ZDHHC14: variants seen among roughly 807,000 people sequenced by gnomAD.
The protein encoded by ZDHHC14 is palmitoyltransferase ZDHHC14.
In ZDHHC14, 16 loss-of-function variants were observed where a neutral mutation model predicts 47.7. The ratio of observed to expected loss-of-function variants is 0.34; its 90% CI spans 0.23 to 0.51. The LOEUF is 0.51. Among genes scored for constraint, ZDHHC14 ranks in the 20% least tolerant of loss-of-function variants. The pLI is 0.97. For missense variants in ZDHHC14, 515 were observed against 662.5 expected (o/e 0.78, Z 2.44); for synonymous variants, 293 against 278.9 (o/e 1.05, Z -0.50).
At chr6:157,622,234 A>AAG (rs1462667823) in intron 3 of ZDHHC14, among the ~76,000 whole-genome samples, 3 of 150,248 alleles carry the variant, frequency 2.0e-5, no homozygotes, top group Non-Finnish European at 4.4e-5. Context: ...AAAAAAAAAA[A>AAG]AAAAATAGCC....
chr6:157,633,496 T>A (rs1420202348), intron 5 of ZDHHC14, among the ~76,000 whole-genome samples: 1 of 152,110 alleles, frequency 6.6e-6, no homozygotes, highest in African/African-American at 2.4e-5. Flanking sequence ...GTGTGCCCAT[T>A]AAGTGCTTGA....
At chr6:157,423,896 G>A (rs1006069630) in intron 1 of ZDHHC14, among the ~76,000 whole-genome samples, 13 of 152,138 alleles carry the variant, frequency 8.5e-5, no homozygotes, top group African/African-American at 2.7e-4. Context: ...CAGGCGATTC[G>A]TGTGCAATAT....
chr6:157,453,788 T>TTTTTTTTTTTTTTGTGTGTGTGTGTG (rs3220439), intron 1 of ZDHHC14, among the ~76,000 whole-genome samples: 1 of 148,096 alleles, frequency 6.8e-6, no homozygotes, highest in African/African-American at 2.5e-5. Flanking sequence ...TTTTTGTGTT[T>TTTTTTTTTTTTTTGTGTGTGTGTGTG]TGTGTGTGTG....
chr6:157,672,573 C>T (rs974250177), intron 8 of ZDHHC14, 151 bp from the exon 9 acceptor site: 5 of 832,212 alleles, frequency 6.0e-6, no homozygotes, highest in African/African-American at 1.7e-5. Flanking sequence ...CCACTGTAGG[C>T]GCTCCCTGCC....
intron 1 of ZDHHC14, among the ~76,000 whole-genome samples, chr6:157,503,960 A>G (rs554258660): frequency 6.6e-6 from 1 of 152,294 alleles, no homozygotes. Context: ...TGACTCAACA[A>G]TTCCATTTGT....
chr6:157,410,312 G>A (rs1421197948), intron 1 of ZDHHC14, among the ~76,000 whole-genome samples: 2 of 152,122 alleles, frequency 1.3e-5, no homozygotes, highest in African/African-American at 4.8e-5. Flanking sequence ...CACGGAAAGT[G>A]GAAAAAATAA....
At position 157,648,712 on chromosome 6, in the gene ZDHHC14, A is replaced by C. The variant is rs1014816366; in HGVS notation, c.965+1344A>C. Among the ~76,000 whole-genome samples, 4 of 152,350 alleles carry C rather than the reference A, an allele frequency of 2.6e-5. No homozygotes were observed. In the East Asian group the frequency reaches 7.7e-4, roughly 29 times the overall value. ...GGTCAGACATGCCTGGGCAGGTGCC[A>C]GCTCCTCTTGAAGAAACCTCCTGAC... On this transcript the variant is annotated intron_variant, in intron 7 of 8. Transcript: ENST00000359775.
intron 3 of ZDHHC14, among the ~76,000 whole-genome samples, chr6:157,626,225 A>C (rs1397971599): frequency 1.3e-5 from 2 of 152,114 alleles, no homozygotes; most frequent in African/African-American, 4.8e-5. Flanking sequence ...AACCCACCGC[A>C]TGTGGGATTG....
At chr6:157,404,617 A>C (rs1418981504) in intron 1 of ZDHHC14, among the ~76,000 whole-genome samples, 3 of 152,134 alleles carry the variant, frequency 2.0e-5, no homozygotes, top group African/African-American at 7.2e-5. Context: ...TGAGGGGATA[A>C]AAATAGCTGT....
At chr6:157,667,193 A>G (rs12055716) in intron 8 of ZDHHC14, among the ~76,000 whole-genome samples, 31,679 of 152,150 alleles carry the variant, frequency 0.21, 3,730 homozygotes, top group East Asian at 0.54. Context: ...TTCAGAGTAG[A>G]TGGACTATCA....
At chr6:157,425,056 G>A (rs1024007238) in intron 1 of ZDHHC14, among the ~76,000 whole-genome samples, 2 of 152,126 alleles carry the variant, frequency 1.3e-5, no homozygotes, top group African/African-American at 4.8e-5. Flanking sequence ...GTTGCATTAT[G>A]TTTATAGATT....
rs182423144 is a variant in ZDHHC14 at position 157,451,545 on chromosome 6, T to C, written c.245+69279T>C. 3.9e-3 allele frequency among the ~76,000 whole-genome samples: 594 copies of C among 152,358 alleles called. 3 individuals carry two copies. The highest frequency in any genetic ancestry group is 5.9e-3 in the Non-Finnish European group (398 of 68,032). ...ATGAATTAATGAAATAATCAATTGC[T>C]GAATCAGTAAAAATTATTATTTTTA... On this transcript the variant is annotated intron_variant, in intron 1 of 8. Transcript: ENST00000359775.
At chr6:157,469,174 T>A (rs1223630718) in intron 1 of ZDHHC14, among the ~76,000 whole-genome samples, 1 of 152,212 alleles carries the variant, frequency 6.6e-6, no homozygotes, top group Non-Finnish European at 1.5e-5. Flanking sequence ...GGGGCTGTCC[T>A]CACTCTGGCA....
At chr6:157,446,278 C>A (rs1778665457) in intron 1 of ZDHHC14, among the ~76,000 whole-genome samples, 1 of 152,192 alleles carries the variant, frequency 6.6e-6, no homozygotes, top group Non-Finnish European at 1.5e-5. Flanking sequence ...TGCCATTTGC[C>A]CCTCTCGAGC....
intron 1 of ZDHHC14, among the ~76,000 whole-genome samples, chr6:157,469,631 G>A (rs1779308130): frequency 6.6e-6 from 1 of 152,218 alleles, no homozygotes; most frequent in Non-Finnish European, 1.5e-5. Flanking sequence ...TGGGCCCCAG[G>A]CTGATGGAAC....
chr6:157,500,497 TAAG>T (rs1308680501), intron 1 of ZDHHC14, among the ~76,000 whole-genome samples: 1 of 152,182 alleles, frequency 6.6e-6, no homozygotes, highest in African/African-American at 2.4e-5. Context: ...GAAGCTATCA[TAAG>T]ATTTCAGTTG....
At chr6:157,632,956 T>C in intron 5 of ZDHHC14, 74 bp downstream of exon 5, 1 of 1,472,138 alleles carries the variant, frequency 6.8e-7, no homozygotes, top group Non-Finnish European at 9.5e-7. Flanking sequence ...TGCGCACACC[T>C]CCTCATCTTC....
At chr6:157,647,186 C>T in intron 6 of ZDHHC14, 73 bp from the exon 7 acceptor site, 2 of 998,634 alleles carry the variant, frequency 2.0e-6, no homozygotes, top group South Asian at 3.1e-5. Flanking sequence ...ATGAGCCTCT[C>T]ATGGTCCAGC....
At chr6:157,462,084 T>G (rs1345813655) in intron 1 of ZDHHC14, among the ~76,000 whole-genome samples, 1 of 152,202 alleles carries the variant, frequency 6.6e-6, no homozygotes, top group African/African-American at 2.4e-5. Context: ...TACAACTCAC[T>G]ATAGATCTGT....
Sources: allele counts gnomAD v4.1 joint callset (sites outside exome capture counted in the v4.1 genomes callset), GRCh38; gene constraint gnomAD v4.1.1; transcripts MANE v1.5; gene names NCBI Gene and HGNC (gene_info 2026-07-23, HGNC 2026-07-21).